Variants in ADGRL2 observed in about 807,000 individuals in gnomAD.
ADGRL2 encodes the protein adhesion G protein-coupled receptor L2.
A neutral mutation model predicts 157.4 loss-of-function variants in ADGRL2; 44 were observed. The observed-to-expected ratio is 0.28, with a 90% CI of 0.22 to 0.36. The LOEUF (loss-of-function observed/expected upper bound fraction) is 0.36, where lower values mean the gene tolerates loss of function less well. ADGRL2 is among the 10% of genes least tolerant of loss of function. ADGRL2 has a pLI of 1.00. For missense variants in ADGRL2, 1,510 were observed against 1,768.9 expected (o/e 0.85, Z 2.63); for synonymous variants, 585 against 624.7 (o/e 0.94, Z 0.95).
At chr1:81,508,103 T>G (rs1209044045) in intron 2 of ADGRL2, among the ~76,000 whole-genome samples, 1 of 152,238 alleles carries the variant, frequency 6.6e-6, no homozygotes, top group Non-Finnish European at 1.5e-5. Flanking sequence ...CAATGCCAAT[T>G]TCAAATGCAA....
chr1:81,920,730 C>G (rs530565419), intron 3 of ADGRL2, among the ~76,000 whole-genome samples: 1 of 152,158 alleles, frequency 6.6e-6, no homozygotes, highest in African/African-American at 2.4e-5. Context: ...AATGATAGTT[C>G]TAAGAGCACT....
chr1:81,836,145 A>G (rs2092267797), intron 1 of ADGRL2, among the ~76,000 whole-genome samples: 2 of 152,102 alleles, frequency 1.3e-5, no homozygotes, highest in African/African-American at 4.8e-5. Flanking sequence ...TATGTATGCA[A>G]CCTCAGAAAG....
chr1:81,859,941 A>C (rs1016318831), intron 2 of ADGRL2, among the ~76,000 whole-genome samples: 2 of 151,888 alleles, frequency 1.3e-5, no homozygotes, highest in African/African-American at 4.8e-5. Context: ...CCCATAAAAA[A>C]CGGGCCAGGC....
At chr1:81,853,896 G>A (rs550525427) in intron 2 of ADGRL2, among the ~76,000 whole-genome samples, 1 of 152,194 alleles carries the variant, frequency 6.6e-6, no homozygotes, top group African/African-American at 2.4e-5. Flanking sequence ...CAGTATTTGA[G>A]CAGTATGCTC....
At chr1:81,436,340 G>C (rs2077409245) in intron 1 of ADGRL2, among the ~76,000 whole-genome samples, 1 of 152,138 alleles carries the variant, frequency 6.6e-6, no homozygotes. Context: ...TCACTGACGG[G>C]TTTGATACCA....
chr1:81,424,567 T>A, intron 1 of ADGRL2, among the ~76,000 whole-genome samples: 1 of 152,246 alleles, frequency 6.6e-6, no homozygotes. Context: ...TAACTGCCTC[T>A]ATCATTGTGG....
At chr1:81,396,215 T>C (rs1350367614) in intron 1 of ADGRL2, among the ~76,000 whole-genome samples, 1 of 152,198 alleles carries the variant, frequency 6.6e-6, no homozygotes, top group Non-Finnish European at 1.5e-5. Context: ...AGAGATCTTT[T>C]ACCTCTTTGG....
chr1:81,934,223 C>G (rs1362925035), intron 3 of ADGRL2, among the ~76,000 whole-genome samples: 1 of 151,924 alleles, frequency 6.6e-6, no homozygotes, highest in Non-Finnish European at 1.5e-5. Flanking sequence ...TTAATTTGAA[C>G]CTGTAATTGG....
chr1:81,794,825 G>A (rs1419587769), intron 2 of ADGRL2, among the ~76,000 whole-genome samples: 1 of 152,088 alleles, frequency 6.6e-6, no homozygotes, highest in Non-Finnish European at 1.5e-5. Context: ...CTATGTTGAT[G>A]GGAATTAGGT....
chr1:81,399,480 T>C (rs564326817), intron 1 of ADGRL2, among the ~76,000 whole-genome samples: 1 of 152,102 alleles, frequency 6.6e-6, no homozygotes, highest in African/African-American at 2.4e-5. Context: ...CTATTCTTTC[T>C]TATTTCCTTT....
intron 2 of ADGRL2, among the ~76,000 whole-genome samples, chr1:81,879,665 C>T (rs1022010949): frequency 1.3e-5 from 2 of 152,012 alleles, no homozygotes; most frequent in Non-Finnish European, 2.9e-5. Flanking sequence ...TAACTGAATT[C>T]GATTTGCATT....
At chr1:81,341,487 T>C (rs745556256) in intron 1 of ADGRL2, among the ~76,000 whole-genome samples, 1 of 152,098 alleles carries the variant, frequency 6.6e-6, no homozygotes, top group Non-Finnish European at 1.5e-5. Flanking sequence ...ATTTTTATAC[T>C]TTTATTTTAT....
intron 3 of ADGRL2, among the ~76,000 whole-genome samples, chr1:81,631,984 C>G (rs1375066557): frequency 6.6e-6 from 1 of 152,084 alleles, no homozygotes. Flanking sequence ...TTTTCTCCTG[C>G]CCATCAAATA....
chr1:81,899,445 G>A lies in ADGRL2; in HGVS notation c.74-7572G>A, dbSNP rs138085367. On this transcript the variant is annotated intron_variant, in intron 2 of 23. Transcript: ENST00000686636. ...CCTGTTGCCGGGAGGTATTTATTCC[G>A]ATCAGTAGCCTAAAGCAGAGAGAGT... Among the ~76,000 whole-genome samples the A allele has an allele frequency of 2.4e-3, 366 of 152,272 alleles. 1 individual carries two copies. Among genetic ancestry groups the A allele is most frequent in the African/African-American group, 8.3e-3 (343 of 41,564 alleles).
chr1:81,836,186 T>G (rs1179657340), intron 1 of ADGRL2, among the ~76,000 whole-genome samples: 1 of 152,082 alleles, frequency 6.6e-6, no homozygotes, highest in Non-Finnish European at 1.5e-5. Context: ...TGCTGCACTT[T>G]GTAAAACTCT....
chr1:81,951,815 G>T (rs1005693819), intron 8 of ADGRL2, 142 bp from the exon 9 acceptor site: 5 of 497,820 alleles, frequency 1.0e-5, no homozygotes, highest in Non-Finnish European at 1.4e-5. Context: ...CTTCTAAGAC[G>T]AAGGGAAAGT....
chr1:81,486,358 G>T (rs1414618233), intron 2 of ADGRL2, among the ~76,000 whole-genome samples: 3 of 152,012 alleles, frequency 2.0e-5, no homozygotes, highest in Non-Finnish European at 4.4e-5. Flanking sequence ...CCACTGCTTG[G>T]AAAGAGTCAC....
intron 3 of ADGRL2, among the ~76,000 whole-genome samples, chr1:81,664,394 A>C (rs530525449): frequency 6.6e-6 from 1 of 152,312 alleles, no homozygotes; most frequent in South Asian, 2.1e-4. Flanking sequence ...TAAAAGCCCA[A>C]GTAGAGAAAC....
chr1:81,784,869 G>T (rs562897590), intron 2 of ADGRL2, among the ~76,000 whole-genome samples: 23 of 151,792 alleles, frequency 1.5e-4, no homozygotes, highest in African/African-American at 5.3e-4. Context: ...CACAGATTAA[G>T]TTAATTGGTG....
Sources: gnomAD v4.1 joint callset for allele counts (sites outside exome capture counted in the v4.1 genomes callset) on GRCh38, gnomAD v4.1.1 for gene constraint, MANE v1.5 for transcripts, NCBI Gene and HGNC (gene_info 2026-07-23, HGNC 2026-07-21) for gene names.